SAXO1: variants seen among roughly 807,000 people sequenced by gnomAD.
The protein encoded by SAXO1 is 4930500O09Rik.
SAXO1 carries 21 observed loss-of-function variants against 17.5 expected under a neutral mutation model. The observed-to-expected ratio is 1.20, with a 90% CI of 0.85 to 1.72. The LOEUF is 1.72. Among genes scored for constraint, SAXO1 ranks in the 40% most tolerant of loss-of-function variants. The pLI is 0.00. For synonymous variants in SAXO1, 274 were observed against 216.5 expected, an observed-to-expected ratio of 1.27 and a Z score of -2.33; for missense variants, 843 against 596.0, an observed-to-expected ratio of 1.41 and a Z score of -4.32.
intron 1 of SAXO1, among the ~76,000 whole-genome samples, chr9:19,003,178 A>G (rs1004365538): frequency 2.0e-5 from 3 of 152,172 alleles, no homozygotes; most frequent in African/African-American, 7.2e-5. Context: ...TAGGAATCCA[A>G]CTTACAAGGG....
At chr9:18,959,184 C>G (rs760560453) in intron 1 of SAXO1, among the ~76,000 whole-genome samples, 1 of 152,054 alleles carries the variant, frequency 6.6e-6, no homozygotes, top group African/African-American at 2.4e-5. Flanking sequence ...AAGAAATTAC[C>G]CAGGAGGTAC....
Position 18,928,118 on chromosome 9 carries a change from C to G in SAXO1, c.1359G>C (p.Gln453His). 6.2e-7 allele frequency: 1 copy of G among 1,614,134 alleles called. No homozygotes were observed. The highest frequency in any genetic ancestry group is 8.5e-7 in the Non-Finnish European group (1 of 1,179,986). The change falls in exon 4 of 4, where the codon CAG (glutamine) becomes CAC (histidine). Residue 453 changes from glutamine (Q) to histidine (H), a missense_variant. Transcript: ENST00000380534. ...YKPVSQAGSQ[Q>H]SSHLSVDDSE... ...AATCATCTACAGAAAGATGGCTGCTCTGCTGAGAGCCTGCCTGGGAAACTG... is the reference window on the plus strand; with the variant it reads ...AATCATCTACAGAAAGATGGCTGCTGTGCTGAGAGCCTGCCTGGGAAACTG...
intron 1 of SAXO1, among the ~76,000 whole-genome samples, chr9:19,031,670 C>G (rs1335466446): frequency 6.6e-6 from 1 of 152,126 alleles, no homozygotes; most frequent in East Asian, 1.9e-4. Context: ...AAAGCAAGAC[C>G]CACGTTTGTA....
chr9:18,938,842 G>GTGTGTGTGTA (rs1831424027), intron 3 of SAXO1, among the ~76,000 whole-genome samples: 1 of 38,210 alleles, frequency 2.6e-5, no homozygotes, highest in South Asian at 8.4e-4. Context: ...GTGTGTGTGT[G>GTGTGTGTGTA]TGTGTGTGTG....
chr9:19,002,263 C>CA (rs540722506), intron 1 of SAXO1, among the ~76,000 whole-genome samples: 3 of 150,792 alleles, frequency 2.0e-5, no homozygotes, highest in South Asian at 2.1e-4. Flanking sequence ...GCCTACCAAC[C>CA]AAAAAAAAAG....
chr9:19,038,770 G>T (rs1165587023), intron 1 of SAXO1, among the ~76,000 whole-genome samples: 1 of 151,252 alleles, frequency 6.6e-6, no homozygotes, highest in Non-Finnish European at 1.5e-5. Flanking sequence ...AAAAAAAAAA[G>T]AATAAATGGC....
At chr9:18,934,099 A>G (rs1024366961) in intron 3 of SAXO1, among the ~76,000 whole-genome samples, 1 of 152,170 alleles carries the variant, frequency 6.6e-6, no homozygotes, top group African/African-American at 2.4e-5. Context: ...GTGATGAGTC[A>G]TTTCTCTTTT....
At chr9:18,986,114 A>G (rs1833582243) in intron 1 of SAXO1, among the ~76,000 whole-genome samples, 1 of 152,210 alleles carries the variant, frequency 6.6e-6, no homozygotes, top group Non-Finnish European at 1.5e-5. Flanking sequence ...GGGCTTTTCT[A>G]GCTTTGGGTC....
At chr9:19,021,792 C>G (rs1257928797) in intron 1 of SAXO1, among the ~76,000 whole-genome samples, 2 of 149,534 alleles carry the variant, frequency 1.3e-5, no homozygotes, top group African/African-American at 4.9e-5. Context: ...AGTCAGCAAT[C>G]TGTGTCTAGC....
intron 1 of SAXO1, among the ~76,000 whole-genome samples, chr9:18,986,012 G>A (rs1833578746): frequency 6.6e-6 from 1 of 152,170 alleles, no homozygotes; most frequent in Non-Finnish European, 1.5e-5. Flanking sequence ...AATTAGACCA[G>A]GCCTGGAATT....
intron 3 of SAXO1, among the ~76,000 whole-genome samples, chr9:18,940,637 C>T (rs1588412793): frequency 6.6e-6 from 1 of 152,174 alleles, no homozygotes; most frequent in East Asian, 1.9e-4. Context: ...GCTTGTCCTC[C>T]TAGGGCAAGG....
intron 3 of SAXO1, among the ~76,000 whole-genome samples, chr9:18,935,887 C>T (rs1238609594): frequency 2.0e-5 from 3 of 152,194 alleles, no homozygotes; most frequent in Admixed American, 2.0e-4. Flanking sequence ...CACAGCCTAG[C>T]CTGCTCCGGC....
At chr9:19,039,460 G>A (rs1201206421) in intron 1 of SAXO1, among the ~76,000 whole-genome samples, 1 of 152,196 alleles carries the variant, frequency 6.6e-6, no homozygotes, top group East Asian at 1.9e-4. Flanking sequence ...GGATGTACCT[G>A]TTTTATGTAC....
intron 2 of SAXO1, chr9:18,947,832 GGTCA>G (rs778532451): frequency 2.6e-5 from 4 of 152,152 alleles, no homozygotes; most frequent in African/African-American, 4.8e-5. Context: ...CAAGATTTAT[GGTCA>G]GTAAGAGTTG....
At chr9:18,934,132 T>C (rs1014213820) in intron 3 of SAXO1, among the ~76,000 whole-genome samples, 4 of 152,240 alleles carry the variant, frequency 2.6e-5, no homozygotes, top group African/African-American at 9.6e-5. Flanking sequence ...ATCTTTGTTT[T>C]TGGCTTTCAA....
chr9:18,952,875 T>A (rs1354147352), intron 1 of SAXO1, among the ~76,000 whole-genome samples: 1 of 152,232 alleles, frequency 6.6e-6, no homozygotes, highest in African/African-American at 2.4e-5. Context: ...TTATACCCCT[T>A]TAATAAAATA....
intron 1 of SAXO1, among the ~76,000 whole-genome samples, chr9:18,963,216 T>C (rs955934191): frequency 6.6e-6 from 1 of 152,232 alleles, no homozygotes; most frequent in Non-Finnish European, 1.5e-5. Context: ...GTAGTATAGT[T>C]TGAAGTCAGG....
At chr9:19,047,953 G>C (rs535095596) in intron 1 of SAXO1, among the ~76,000 whole-genome samples, 218 of 152,310 alleles carry the variant, frequency 1.4e-3, no homozygotes, top group African/African-American at 5.0e-3. Flanking sequence ...GAAGGCTCCA[G>C]AAGAGGTAGC....
chr9:19,021,608 G>A (rs1412198026), intron 1 of SAXO1, among the ~76,000 whole-genome samples: 1 of 152,190 alleles, frequency 6.6e-6, no homozygotes, highest in African/African-American at 2.4e-5. Context: ...AGATATTCAA[G>A]GACCTGAACA....
Sources: gnomAD v4.1 joint callset for allele counts (sites outside exome capture counted in the v4.1 genomes callset) on GRCh38, gnomAD v4.1.1 for gene constraint, MANE v1.5 for transcripts, NCBI Gene and HGNC (gene_info 2026-07-23, HGNC 2026-07-21) for gene names.